INTS2: variants seen among roughly 807,000 people sequenced by gnomAD.
INTS2 encodes KIAA1287.
INTS2 carries 57 observed loss-of-function variants against 139.6 expected under a neutral mutation model. The ratio of observed to expected loss-of-function variants is 0.41; its 90% CI spans 0.33 to 0.51. The LOEUF (loss-of-function observed/expected upper bound fraction) is 0.51. Ranked by LOEUF, INTS2 falls within the 20% of genes least tolerant of loss-of-function variation. The pLI is 0.28. For synonymous variants in INTS2, 473 were observed against 493.4 expected (o/e 0.96, Z 0.55); for missense variants, 1,196 against 1,436.7 (o/e 0.83, Z 2.71).
chr17:61,927,583 G>A (rs1455865240), intron 1 of INTS2, 71 bp downstream of exon 1: 19 of 1,171,310 alleles, frequency 1.6e-5, no homozygotes, highest in Non-Finnish European at 2.1e-5. Flanking sequence ...CCCTCAGGCT[G>A]AGCAAAGTCT....
rs565955529 is a variant in INTS2 at position 61,920,629 on chromosome 17, C to A, written c.535+1096G>T. Among the ~76,000 whole-genome samples, 678 of 151,826 alleles carry A rather than the reference C, an allele frequency of 4.5e-3. 3 individuals are homozygous for A. The highest frequency in any genetic ancestry group is 7.3e-3 in the Non-Finnish European group (496 of 67,910). On this transcript the variant is annotated intron_variant, in intron 4 of 24. Transcript: ENST00000251334. ...GACCAGCCTGGCCAACATGGTGAAACCTCGTCGCCACTAAAAATACAAAAT... is the reference window on the plus strand; with the variant it reads ...GACCAGCCTGGCCAACATGGTGAAAACTCGTCGCCACTAAAAATACAAAAT...
Position 61,867,930 on chromosome 17 carries a change from T to C in INTS2, c.3324A>G (p.Pro1108=), listed in dbSNP as rs2079059091. 1 of 1,612,512 alleles carries C rather than the reference T, an allele frequency of 6.2e-7. No individual in the cohort carries two copies. The highest frequency in any genetic ancestry group is 8.5e-7 in the Non-Finnish European group (1 of 1,179,014). Reference sequence around the variant, plus strand: ...GCAAAGACATAATATCCTCATACAATGGAGGAAATGCTCGACAAAAAGAGA... The same window carrying C: ...GCAAAGACATAATATCCTCATACAACGGAGGAAATGCTCGACAAAAAGAGA... ...SLVSFCRAFP[P]LYEDIMSLLI... Residue 1108 remains proline, a synonymous_variant, in exon 24 of 25, where the codon CCA becomes CCG. Transcript: ENST00000251334. The surrounding 1 kb of genome is among the most constrained non-coding windows in gnomAD (Gnocchi z 5.6).
intron 19 of INTS2, chr17:61,874,148 A>G (rs1350477236): frequency 6.6e-6 from 1 of 152,202 alleles, no homozygotes; most frequent in African/African-American, 2.4e-5. Context: ...GATTATGATC[A>G]ATCAGTTGTA....
intron 3 of INTS2, among the ~76,000 whole-genome samples, chr17:61,922,588 A>T (rs1262751852): frequency 6.8e-6 from 1 of 147,242 alleles, no homozygotes; most frequent in Non-Finnish European, 1.5e-5. Flanking sequence ...ACAAAGAATT[A>T]AAGTTTAGAT....
At chr17:61,901,995 G>A (rs911565582) in intron 9 of INTS2, among the ~76,000 whole-genome samples, 1 of 152,150 alleles carries the variant, frequency 6.6e-6, no homozygotes, top group Non-Finnish European at 1.5e-5. Context: ...CTGATTGATA[G>A]TTTGATGGGG....
intron 15 of INTS2, among the ~76,000 whole-genome samples, chr17:61,886,828 TTTA>T (rs1211498970): frequency 9.2e-5 from 14 of 152,230 alleles, no homozygotes; most frequent in Admixed American, 7.2e-4. Context: ...CCATTTTTCT[TTTA>T]TTAAGGACAA....
At chr17:61,885,965 T>C (rs923274328) in intron 15 of INTS2, among the ~76,000 whole-genome samples, 2 of 148,120 alleles carry the variant, frequency 1.4e-5, no homozygotes. Context: ...CCTGACCTCA[T>C]GATCCACCCG....
At chr17:61,891,727 C>G in intron 13 of INTS2, 38 bp from the exon 14 acceptor site, 1 of 1,482,138 alleles carries the variant, frequency 6.7e-7, no homozygotes, top group South Asian at 1.3e-5. Flanking sequence ...TTAATTGTGG[C>G]AAAAAGAAAA....
At position 61,877,927 on chromosome 17, in the gene INTS2, T is replaced by C; in HGVS notation, c.2416A>G (p.Asn806Asp). The change falls in exon 18 of 25, where the codon AAT (asparagine) becomes GAT (aspartate). Residue 806 changes from asparagine (N) to aspartate (D), a missense_variant. By Grantham distance (23) the Asn-to-Asp change is conservative. Around this residue, in one of 3 missense-constraint regions of INTS2, gnomAD observed 1,129 missense variants for 1,341.9 expected, o/e 0.84. Transcript: ENST00000251334. ...GVPRRILQTV[N>D]KLWMVLNTVM... ...GTATTAAGAACCATCCATAGTTTATTGACTGTTTGCAGAATTCTCCGTGGA... is the reference window on the plus strand; with the variant it reads ...GTATTAAGAACCATCCATAGTTTATCGACTGTTTGCAGAATTCTCCGTGGA... The C allele has an allele frequency of 1.2e-6, 2 of 1,613,850 alleles. No homozygotes were observed. Among genetic ancestry groups the C allele is most frequent in the Non-Finnish European group, 1.7e-6 (2 of 1,179,764 alleles).
rs2079049956 is a variant in INTS2, at chr17:61,866,827, C to CT, written c.*729dup. The stretch of plus-strand genomic sequence containing the variant: ...GGTTCTTCTTTGAACAAAGATGTTT[C>CT]TGTAAACACTTTTACACCAGTATCT... On this transcript the variant is annotated 3_prime_UTR_variant, in exon 25 of 25. Coordinates refer to ENST00000251334, the MANE Select transcript of INTS2 (RefSeq NM_001351695.2). The CT allele has an allele frequency of 6.6e-6, 1 of 152,194 alleles. No individual in the cohort carries two copies. Among genetic ancestry groups the CT allele is most frequent in the South Asian group, 2.1e-4 (1 of 4,838 alleles). 9.4% of individuals were successfully genotyped at this position (152,194 alleles called of 1,614,324 possible). A position where few individuals can be genotyped will look rare whatever the true frequency, so the allele number is the denominator to read the frequency against.
At chr17:61,901,893 TG>T (rs2079410727) in intron 9 of INTS2, among the ~76,000 whole-genome samples, 1 of 152,130 alleles carries the variant, frequency 6.6e-6, no homozygotes, top group Non-Finnish European at 1.5e-5. Context: ...CCAGTGTGCC[TG>T]GCCATTTTGC....
Position 61,915,202 on chromosome 17 carries a change from G to T in INTS2, c.650-3132C>A, listed in dbSNP as rs2079567794. On this transcript the variant is annotated intron_variant, in intron 5 of 24. Transcript: ENST00000251334. ...AAACACAAAAAATTAGCCGGGCATG[G>T]TGGCAGGCGCCTGTAGTCCCAGCTA... Among the ~76,000 whole-genome samples the T allele has an allele frequency of 2.6e-5, 4 of 151,964 alleles. No homozygotes were observed. The South Asian group carries it at 8.3e-4, about 32-fold the overall frequency.
At position 61,911,639 on chromosome 17, in the gene INTS2, T is replaced by C. The variant is rs1429052156; in HGVS notation, c.835A>G (p.Lys279Glu). The C allele has an allele frequency of 1.2e-5, 19 of 1,613,950 alleles. No homozygotes were observed. The highest frequency in any genetic ancestry group is 1.6e-4 in the Middle Eastern group (1 of 6,062). Reference sequence around the variant, plus strand: ...ACTCCATCCTCACAAGCTTCATTTTTAGTATGATCCAATGTCAAAGCCACA... The same window carrying C: ...ACTCCATCCTCACAAGCTTCATTTTCAGTATGATCCAATGTCAAAGCCACA... ...LGVALTLDHT[K>E]NEACEDGVSD... Residue 279 changes from lysine to glutamate, a missense_variant, in exon 7 of 25, where the codon AAA becomes GAA. Physicochemically the swap from Lys to Glu is moderately conservative, Grantham distance 56. Coordinates refer to ENST00000251334, the MANE Select transcript of INTS2 (RefSeq NM_001351695.2).
chr17:61,894,467 A>G (rs2079327034), intron 12 of INTS2, among the ~76,000 whole-genome samples: 1 of 152,228 alleles, frequency 6.6e-6, no homozygotes, highest in Admixed American at 6.5e-5. Flanking sequence ...ATGCTGTGTG[A>G]CTACTTGTAA....
chr17:61,918,273 C>T (rs564882366), intron 5 of INTS2, among the ~76,000 whole-genome samples: 33 of 152,284 alleles, frequency 2.2e-4, no homozygotes, highest in Admixed American at 2.0e-4. Context: ...GACAGAGTCT[C>T]ACTCTGTTGC....
chr17:61,889,188 G>A (rs1158362420), intron 15 of INTS2, among the ~76,000 whole-genome samples: 1 of 151,450 alleles, frequency 6.6e-6, no homozygotes, highest in Non-Finnish European at 1.5e-5. Flanking sequence ...CTGGGTTCAA[G>A]GGATTCTCCT....
rs765855704 is a variant in INTS2, at chr17:61,919,491, T to C, written c.558A>G (p.Ile186Met). The part of the protein sequence containing the change: ...LQAELPSLLP[I>M]VDVAEALLHV... ...GTAGCAAAGCTTCAGCTACATCAACTATAGGGAGCAAGGAAGGGAGCTCTA... is the reference window on the plus strand; with the variant it reads ...GTAGCAAAGCTTCAGCTACATCAACCATAGGGAGCAAGGAAGGGAGCTCTA... The change falls in exon 5 of 25, where the codon ATA (isoleucine) becomes ATG (methionine). Residue 186 changes from isoleucine (I) to methionine (M), a missense_variant. Around this residue, in one of 3 missense-constraint regions of INTS2, gnomAD observed 1,129 missense variants for 1,341.9 expected, o/e 0.84. Coordinates refer to ENST00000251334, the MANE Select transcript of INTS2 (RefSeq NM_001351695.2). 1.0e-5 allele frequency: 16 copies of C among 1,591,028 alleles called. No homozygotes were observed. The African/African-American group carries it at 1.5e-4, about 15-fold the overall frequency.
In INTS2 at chr17:61,873,660, T is replaced by C. The variant is rs1223601517; in HGVS notation, c.2583-1200A>G. ...TACACAGTTTGTTCTGATTCCTATT[T>C]CCTATGAGATCTTAATCTTACCAAA... On this transcript the variant is annotated intron_variant, in intron 19 of 24. Transcript: ENST00000251334. The surrounding 1 kb of genome is among the most constrained non-coding windows in gnomAD (Gnocchi z 4.0). Among the ~76,000 whole-genome samples the C allele has an allele frequency of 6.6e-6, 1 of 152,200 alleles. No individual in the cohort carries two copies. The highest frequency in any genetic ancestry group is 1.5e-5 in the Non-Finnish European group (1 of 68,032).
At chr17:61,914,827 C>A (rs370008136) in intron 5 of INTS2, among the ~76,000 whole-genome samples, 4 of 151,440 alleles carry the variant, frequency 2.6e-5, no homozygotes, top group African/African-American at 9.7e-5. Context: ...TGAATCATGA[C>A]CACACCACTG....
Sources: allele counts gnomAD v4.1 joint callset (sites outside exome capture counted in the v4.1 genomes callset), GRCh38; gene constraint gnomAD v4.1.1; regional missense constraint gnomAD v4.1.1; non-coding constraint Gnocchi (gnomAD v3.1); transcripts MANE v1.5; gene names NCBI Gene and HGNC (gene_info 2026-07-23, HGNC 2026-07-21).